KLC1: variants seen among roughly 807,000 people sequenced by gnomAD.
The protein encoded by KLC1 is kinesin 2 60/70kDa.
A neutral mutation model predicts 84.2 loss-of-function variants in KLC1; 30 were observed. The ratio of observed to expected loss-of-function variants is 0.36; its 90% CI spans 0.27 to 0.48. The LOEUF (loss-of-function observed/expected upper bound fraction) is 0.48. KLC1 is among the 20% of genes least tolerant of loss of function. The probability of loss-of-function intolerance (pLI) is 0.99; values close to 1 mark genes in which losing one functional copy is unlikely to be tolerated. For synonymous variants in KLC1, 289 were observed against 293.3 expected (o/e 0.99, Z 0.15); for missense variants, 499 against 805.4 (o/e 0.62, Z 4.60).
intron 14 of KLC1, among the ~76,000 whole-genome samples, chr14:103,691,677 C>T (rs1293637615): frequency 2.0e-5 from 3 of 152,032 alleles, no homozygotes; most frequent in Non-Finnish European, 2.9e-5. Context: ...CCGTGTTGCT[C>T]AGGCTGGTCT....
At position 103,693,807 on chromosome 14, in the gene KLC1, G is replaced by A; in HGVS notation, c.1848+1382G>A. The A allele has an allele frequency of 7.2e-7, 1 of 1,396,136 alleles. No homozygotes were observed. The highest frequency in any genetic ancestry group is 9.3e-7 in the Non-Finnish European group (1 of 1,078,340). The allele number at this position is 1,396,136 out of a possible 1,614,324, so 86.5% of individuals were successfully genotyped here. A position where few individuals can be genotyped will look rare whatever the true frequency, so the allele number is the denominator to read the frequency against. ...CCGTGCCTCAGCATTCTGTTACTCG[G>A]CCTGCAGCCCCAGTGCCAGGAGCCA... On this transcript the variant is annotated intron_variant, in intron 15 of 16. Coordinates refer to ENST00000334553, the MANE Select transcript of KLC1 (RefSeq NM_001394837.1). The surrounding 1 kb of genome is among the most constrained non-coding windows in gnomAD (Gnocchi z 5.1).
intron 15 of KLC1, chr14:103,698,541 A>T: frequency 1.9e-6 from 1 of 540,514 alleles, no homozygotes; most frequent in Non-Finnish European, 3.4e-6. Context: ...CCCAAGGGCC[A>T]GCTCAGCAGT....
rs572434642 is a variant in KLC1 at position 103,672,963 on chromosome 14, A to G, written c.988-51A>G. 1.9e-5 allele frequency: 29 copies of G among 1,526,782 alleles called. No homozygotes were observed. The East Asian group carries it at 6.6e-4, about 35-fold the overall frequency. The allele number at this position is 1,526,782 out of a possible 1,614,324, so 94.6% of individuals were successfully genotyped here. ...GATGTGACAGTAGGGTGGAGAATGG[A>G]TTGGATGGAAGCAGAACAAGTGTCT... On this transcript the variant is annotated intron_variant, in intron 7 of 16. Coordinates refer to ENST00000334553, the MANE Select transcript of KLC1 (RefSeq NM_001394837.1).
intron 13 of KLC1, chr14:103,682,784 A>AC (rs2081474873): frequency 1.5e-5 from 2 of 133,438 alleles, no homozygotes; most frequent in Non-Finnish European, 1.6e-5. Context: ...ATGTATATGT[A>AC]TTTTTTTTTT....
chr14:103,635,299 T>G (rs2076964980), intron 1 of KLC1, among the ~76,000 whole-genome samples: 1 of 152,186 alleles, frequency 6.6e-6, no homozygotes. Flanking sequence ...CTAAAACTGA[T>G]CAGAGTGATG....
chr14:103,653,876 G>C (rs1260967457), intron 1 of KLC1, among the ~76,000 whole-genome samples: 1 of 152,206 alleles, frequency 6.6e-6, no homozygotes, highest in Non-Finnish European at 1.5e-5. Flanking sequence ...GCGGCTGTCA[G>C]GCACAACAGC....
intron 15 of KLC1, chr14:103,696,102 C>T: frequency 5.9e-6 from 3 of 510,928 alleles, no homozygotes; most frequent in Non-Finnish European, 7.3e-6. Flanking sequence ...GCCCCCGCCC[C>T]CCGCCCCCCC....
In KLC1 at chr14:103,700,663, T is replaced by A; in HGVS notation, c.1857T>A (p.Ser619=). 1 of 1,607,402 alleles carries A rather than the reference T, an allele frequency of 6.2e-7. No homozygotes were observed. Among genetic ancestry groups the A allele is most frequent in the South Asian group, 1.1e-5 (1 of 90,414 alleles). ...KAAEDRFQGV[S]GRASFCGKRQ... ...CTGTGCTTCATCTCCAGGGCGTCTC[T>A]GGCCGAGCCTCTTTTTGTGGAAAAC... The change falls in exon 16 of 17, where the codon TCT becomes TCA. Residue 619 remains serine, a synonymous_variant. Coordinates refer to ENST00000334553, the MANE Select transcript of KLC1 (RefSeq NM_001394837.1).
At chr14:103,679,738 G>A (rs1482578373) in intron 13 of KLC1, 193 bp downstream of exon 13, 2 of 535,764 alleles carry the variant, frequency 3.7e-6, no homozygotes, top group Non-Finnish European at 6.6e-6. Flanking sequence ...TTCTTCTCAG[G>A]AATCCATGAA....
intron 5 of KLC1, among the ~76,000 whole-genome samples, chr14:103,669,065 A>G (rs2080150904): frequency 6.6e-6 from 1 of 152,018 alleles, no homozygotes; most frequent in Non-Finnish European, 1.5e-5. Context: ...GGCATGAGCC[A>G]CTGCACCCGG....
At position 103,694,110 on chromosome 14, in the gene KLC1, A is replaced by G; in HGVS notation, c.1848+1685A>G. 1 of 985,284 alleles carries G rather than the reference A, an allele frequency of 1.0e-6. No homozygotes were observed. Among genetic ancestry groups the G allele is most frequent in the Non-Finnish European group, 1.2e-6 (1 of 829,456 alleles). 61.0% of individuals were successfully genotyped at this position (985,284 alleles called of 1,614,324 possible). ...AGCGGACACTGGTCAGTGGGAAGTG[A>G]ATTCCTTCCCAGCTGGAGCATCTTC... On this transcript the variant is annotated intron_variant, in intron 15 of 16. Coordinates refer to ENST00000334553, the MANE Select transcript of KLC1 (RefSeq NM_001394837.1). The surrounding 1 kb of genome is among the most constrained non-coding windows in gnomAD (Gnocchi z 4.5).
Position 103,693,616 on chromosome 14 carries a change from TGA to T in KLC1, c.1848+1195_1848+1196del. ...TGCCAGCCACACTGACCTGGCCCACTGAGAGCCAGCAGGGCTAGGTAACCTGT... is the reference window on the plus strand; with the variant it reads ...TGCCAGCCACACTGACCTGGCCCACTGAGCCAGCAGGGCTAGGTAACCTGT... On this transcript the variant is annotated intron_variant, in intron 15 of 16. Transcript: ENST00000334553. This position sits in a 1 kb window ranked among gnomAD's most constrained non-coding sequence, Gnocchi z 5.1. The T allele has an allele frequency of 6.5e-7, 1 of 1,535,964 alleles. No homozygotes were observed. Among genetic ancestry groups the T allele is most frequent in the African/African-American group, 1.4e-5 (1 of 73,174 alleles).
At chr14:103,670,910 C>T (rs532419300) in intron 7 of KLC1, among the ~76,000 whole-genome samples, 1 of 151,490 alleles carries the variant, frequency 6.6e-6, no homozygotes, top group East Asian at 1.9e-4. Context: ...ATAGTGAGAC[C>T]TCGTCTCTAA....
chr14:103,661,881 C>T (rs2079325145), intron 3 of KLC1, among the ~76,000 whole-genome samples: 1 of 152,148 alleles, frequency 6.6e-6, no homozygotes. Context: ...AGCCATGGCC[C>T]ATTTCGTCAA....
chr14:103,696,114 CACAGCAGCCGTGTGT>C (rs2082484168), intron 15 of KLC1: 1 of 957,528 alleles, frequency 1.0e-6, no homozygotes, highest in East Asian at 1.2e-4. Flanking sequence ...CGCCCCCCCC[CACAGCAGCCGTGTGT>C]GCAGCGCCCG....
intron 1 of KLC1, among the ~76,000 whole-genome samples, chr14:103,635,998 C>T (rs1183535155): frequency 1.3e-5 from 2 of 151,966 alleles, no homozygotes; most frequent in East Asian, 1.9e-4. Flanking sequence ...GGAAACCTCG[C>T]GCCACTTCAA....
intron 15 of KLC1, chr14:103,695,221 T>C (rs932718940): frequency 1.3e-6 from 1 of 774,914 alleles, no homozygotes; most frequent in African/African-American, 1.9e-5. Context: ...CTTAGCACTT[T>C]GGGAGGCTGA....
intron 1 of KLC1, among the ~76,000 whole-genome samples, chr14:103,650,975 A>C (rs1445745290): frequency 1.3e-5 from 2 of 151,976 alleles, no homozygotes; most frequent in African/African-American, 4.8e-5. Flanking sequence ...AAAATGTCCT[A>C]AGTAGACTTG....
intron 1 of KLC1, among the ~76,000 whole-genome samples, chr14:103,644,574 T>C (rs1247136494): frequency 2.0e-5 from 3 of 152,026 alleles, no homozygotes; most frequent in Non-Finnish European, 4.4e-5. Context: ...ACCTGTTTTT[T>C]TTCCTCCCTC....
Sources: allele counts gnomAD v4.1 joint callset (sites outside exome capture counted in the v4.1 genomes callset), GRCh38; gene constraint gnomAD v4.1.1; non-coding constraint Gnocchi (gnomAD v3.1); transcripts MANE v1.5; gene names NCBI Gene and HGNC (gene_info 2026-07-23, HGNC 2026-07-21).